The following MDN1 variants were observed in gnomAD, a reference collection of about 807,000 sequenced individuals.
MDN1 encodes the protein midasin AAA ATPase 1.
MDN1 carries 266 observed loss-of-function variants against 669.2 expected under a neutral mutation model. That is an observed-to-expected ratio of 0.40 (90% confidence interval 0.36 to 0.44). MDN1 has a LOEUF of 0.44. Ranked by LOEUF, MDN1 falls within the 20% of genes least tolerant of loss-of-function variation. The pLI is 1.00. For missense variants in MDN1, 5,940 were observed against 6,754.0 expected, an observed-to-expected ratio of 0.88 and a Z score of 4.22; for synonymous variants, 2,385 against 2,457.1, an observed-to-expected ratio of 0.97 and a Z score of 0.87.
intron 87 of MDN1, 68 bp downstream of exon 87, chr6:89,662,019 G>A: frequency 6.5e-7 from 1 of 1,530,320 alleles, no homozygotes; most frequent in Non-Finnish European, 8.8e-7. Context: ...GAGACACCTT[G>A]AGAACTATAC....
chr6:89,745,163 G>T, intron 29 of MDN1, 110 bp downstream of exon 29: 7 of 835,494 alleles, frequency 8.4e-6, no homozygotes, highest in Non-Finnish European at 7.7e-6. Context: ...GAAAAAAGAG[G>T]AAGGAGGAAA....
chr6:89,755,354 C>G (rs917581322), intron 20 of MDN1, among the ~76,000 whole-genome samples: 2 of 135,580 alleles, frequency 1.5e-5, no homozygotes, highest in Non-Finnish European at 3.1e-5. Flanking sequence ...GACCAGCCTG[C>G]ACAACAAAGC....
chr6:89,776,673 A>G lies in MDN1; in HGVS notation c.1748T>C (p.Met583Thr), dbSNP rs762641020. 6.2e-7 allele frequency: 1 copy of G among 1,612,336 alleles called. No homozygotes were observed. The highest frequency in any genetic ancestry group is 1.7e-5 in the Admixed American group (1 of 59,860). ...FQEALDCFTA[M>T]LSEHTSKLKM... Reference sequence around the variant, plus strand: ...CAGTTTGCTTGTATGCTCAGAAAGCATTGCTGTGAAACAGTCTAGAGCCTA... The same window carrying G: ...CAGTTTGCTTGTATGCTCAGAAAGCGTTGCTGTGAAACAGTCTAGAGCCTA... The change falls in exon 12 of 102, where the codon ATG (methionine) becomes ACG (threonine). Residue 583 changes from methionine to threonine, a missense_variant. Coordinates refer to ENST00000369393, the MANE Select transcript of MDN1 (RefSeq NM_014611.3).
chr6:89,776,604 T>A lies in MDN1; in HGVS notation c.1817A>T (p.Lys606Ile), dbSNP rs1447940203. The A allele has an allele frequency of 1.2e-6, 2 of 1,606,142 alleles. No individual in the cohort carries two copies. The highest frequency in any genetic ancestry group is 8.5e-7 in the Non-Finnish European group (1 of 1,174,494). The change falls in exon 12 of 102, where the codon AAA (lysine) becomes ATA (isoleucine). Residue 606 changes from lysine (K) to isoleucine (I), a missense_variant. Physicochemically the swap from Lys to Ile is moderately radical, Grantham distance 102 (BLOSUM62 -3). Around this residue, in one of 5 missense-constraint regions of MDN1, gnomAD observed 1,203 missense variants for 1,268.9 expected, o/e 0.95. Coordinates refer to ENST00000369393, the MANE Select transcript of MDN1 (RefSeq NM_014611.3). Reference protein sequence around the residue: ...VIGSKLNISRKKAEFFCQLYK... With the variant: ...VIGSKLNISRIKAEFFCQLYK... The stretch of plus-strand genomic sequence containing the variant: ...GTAAAAAAACAGCACACATACCTTT[T>A]TTCTAGAAATGTTCAATTTGCTTCC...
intron 85 of MDN1, among the ~76,000 whole-genome samples, chr6:89,664,185 T>C (rs559614816): frequency 3.3e-5 from 5 of 150,942 alleles, no homozygotes; most frequent in South Asian, 2.1e-4. Flanking sequence ...AATTTGCCTT[T>C]TGTTGAAAGC....
Position 89,740,305 on chromosome 6 carries a change from G to A in MDN1, c.4522C>T (p.Leu1508=), listed in dbSNP as rs1372101007. The change falls in exon 32 of 102, where the codon CTG becomes TTG. Residue 1508 remains leucine (L), a synonymous_variant. Transcript: ENST00000369393. ...SPEDKDSEIE[L]LTAGKKFRIL... ...CGAAATTTTTTCCCAGCAGTCAACA[G>A]CTCTATTTCACTATCCTTGTCCTCT... is the stretch of plus-strand genomic sequence containing the variant. 1.9e-6 allele frequency: 3 copies of A among 1,611,110 alleles called. No individual in the cohort carries two copies. The highest frequency in any genetic ancestry group is 2.5e-6 in the Non-Finnish European group (3 of 1,179,146).
At chr6:89,733,857 G>C (rs1815761068) in intron 33 of MDN1, among the ~76,000 whole-genome samples, 4 of 151,620 alleles carry the variant, frequency 2.6e-5, no homozygotes, top group Admixed American at 2.0e-4. Context: ...AACAAAATCA[G>C]AGAGAAATAG....
chr6:89,652,878 C>G, intron 94 of MDN1, 114 bp downstream of exon 94: 1 of 1,150,976 alleles, frequency 8.7e-7, no homozygotes, highest in South Asian at 1.6e-5. Context: ...TGAAACCCCT[C>G]AACAACCAGA....
At chr6:89,803,085 A>G (rs1482141633) in intron 2 of MDN1, among the ~76,000 whole-genome samples, 1 of 152,210 alleles carries the variant, frequency 6.6e-6, no homozygotes, top group East Asian at 1.9e-4. Context: ...CACTGGGGAC[A>G]TATCCTGGCC....
intron 99 of MDN1, 137 bp from the exon 100 acceptor site, chr6:89,646,740 C>T (rs1584074790): frequency 2.9e-6 from 2 of 680,658 alleles, no homozygotes; most frequent in Non-Finnish European, 5.2e-6. Context: ...AACTAACTGT[C>T]CCTTCTGGCC....
Position 89,718,432 on chromosome 6 carries a change from T to A in MDN1, c.6517A>T (p.Lys2173Ter), listed in dbSNP as rs1814567037. ...ATAAGCAATAACACTGCTTCTAGTT[T>A]GTTGACAATCTCCATCGTGATAGCT... ...GKAITMEIVN[K>*]LEAVLLLMQR... Residue 2173 changes from lysine to a stop codon, truncating the protein, a stop_gained, in exon 43 of 102, where the codon AAA (lysine) becomes TAA (stop). Coordinates refer to ENST00000369393, the MANE Select transcript of MDN1 (RefSeq NM_014611.3). LOFTEE classifies it high-confidence loss of function. The A allele has an allele frequency of 6.2e-7, 1 of 1,614,160 alleles. No individual in the cohort carries two copies. Among genetic ancestry groups the A allele is most frequent in the Non-Finnish European group, 8.5e-7 (1 of 1,180,022 alleles).
Position 89,695,725 on chromosome 6 carries a change from T to TGGC in MDN1, c.9648_9650dup (p.Pro3217dup). 1.9e-6 allele frequency: 3 copies of TGGC among 1,613,748 alleles called. No homozygotes were observed. ...TCACCCAGAGGCTCCCACGCTGGGC[T>TGGC]GGCTCAGGCAGGCTCCTCTTACTCT... On this transcript the variant is annotated inframe_insertion, in exon 61 of 102. Coordinates refer to ENST00000369393, the MANE Select transcript of MDN1 (RefSeq NM_014611.3). This position sits in a 1 kb window ranked among gnomAD's most constrained non-coding sequence, Gnocchi z 4.1.
chr6:89,683,919 A>T lies in MDN1; in HGVS notation c.11830-15T>A, dbSNP rs774687431. On this transcript the variant is annotated splice_polypyrimidine_tract_variant and intron_variant, in intron 71 of 101. Transcript: ENST00000369393. Reference sequence around the variant, plus strand: ...TTAACAAATTCCTGTAAGATAAATGATGTTCAAGAAATGGCTTTATAAAGC... The same window carrying T: ...TTAACAAATTCCTGTAAGATAAATGTTGTTCAAGAAATGGCTTTATAAAGC... 1 of 1,594,378 alleles carries T rather than the reference A, an allele frequency of 6.3e-7. No individual in the cohort carries two copies. Among genetic ancestry groups the T allele is most frequent in the Non-Finnish European group, 8.6e-7 (1 of 1,162,962 alleles).
intron 46 of MDN1, among the ~76,000 whole-genome samples, chr6:89,713,927 A>G (rs911389792): frequency 2.6e-5 from 4 of 151,676 alleles, no homozygotes; most frequent in African/African-American, 4.9e-5. Flanking sequence ...AGTCCCAGCT[A>G]CTCGGAGAGG....
At chr6:89,654,525 C>A (rs879718) in intron 92 of MDN1, among the ~76,000 whole-genome samples, 191 bp from the exon 93 acceptor site, 100,512 of 151,826 alleles carry the variant, frequency 0.66, 33,712 homozygotes, top group East Asian at 0.95. Flanking sequence ...ACATAATGAA[C>A]TGCCTGTTCC....
chr6:89,649,971 C>T, intron 97 of MDN1, 53 bp downstream of exon 97: 2 of 1,590,070 alleles, frequency 1.3e-6, no homozygotes, highest in Non-Finnish European at 1.7e-6. Context: ...GCCCATGGAA[C>T]ATAGCTTGAT....
At chr6:89,710,556 C>G in intron 50 of MDN1, 125 bp downstream of exon 50, 1 of 470,554 alleles carries the variant, frequency 2.1e-6, no homozygotes, top group South Asian at 4.9e-5. Context: ...TTTGCTTCTG[C>G]ATATCATGAG....
chr6:89,759,556 G>C (rs1425170933), intron 17 of MDN1, among the ~76,000 whole-genome samples: 1 of 152,158 alleles, frequency 6.6e-6, no homozygotes, highest in African/African-American at 2.4e-5. Context: ...TGGAGGTCAG[G>C]AGTTCGACAC....
At chr6:89,687,463 CTACAGA>C (rs755368161) in intron 67 of MDN1, 25 bp from the exon 68 acceptor site, 1 of 1,595,570 alleles carries the variant, frequency 6.3e-7, no homozygotes, top group South Asian at 1.1e-5. Flanking sequence ...ATAAAATTTA[CTACAGA>C]TATTATTCAA....
Sources: allele counts gnomAD v4.1 joint callset (sites outside exome capture counted in the v4.1 genomes callset), GRCh38; gene constraint gnomAD v4.1.1; regional missense constraint gnomAD v4.1.1; non-coding constraint Gnocchi (gnomAD v3.1); transcripts MANE v1.5; gene names NCBI Gene and HGNC (gene_info 2026-07-23, HGNC 2026-07-21).